The following DNAH1 variants were observed in gnomAD, a reference collection of about 807,000 sequenced individuals.
DNAH1 encodes dynein axonemal heavy chain 1, also known as axonemal beta dynein heavy chain 1.
A neutral mutation model predicts 484.3 loss-of-function variants in DNAH1; 327 were observed. The ratio of observed to expected loss-of-function variants is 0.68; its 90% CI spans 0.62 to 0.74. DNAH1 has a LOEUF of 0.74. DNAH1 is among the 30% of genes least tolerant of loss of function. DNAH1 has a pLI of 0.00. For missense variants in DNAH1, 5,052 were observed against 5,546.8 expected, an observed-to-expected ratio of 0.91 and a Z score of 2.83; for synonymous variants, 2,192 against 2,191.9, an observed-to-expected ratio of 1.00 and a Z score of 0.00.
At chr3:52,333,229 C>T (rs1701617461) in intron 8 of DNAH1, among the ~76,000 whole-genome samples, 2 of 152,136 alleles carry the variant, frequency 1.3e-5, no homozygotes. Context: ...AAGCCAAGAT[C>T]TGGGCATTAG....
chr3:52,348,522 G>A (rs1252877786), intron 12 of DNAH1, among the ~76,000 whole-genome samples: 1 of 152,194 alleles, frequency 6.6e-6, no homozygotes. Flanking sequence ...AAGAGCCTCT[G>A]TAGCCCTAGC....
At position 52,391,057 on chromosome 3, in the gene DNAH1, G is replaced by A. The variant is rs1704352613; in HGVS notation, c.9741+3G>A. On this transcript the variant is annotated splice_donor_region_variant and intron_variant, in intron 61 of 77. Transcript: ENST00000420323. The stretch of plus-strand genomic sequence containing the variant: ...CCAACAAATGGATCAAGAACATGGT[G>A]AGCCCACCCACCAGGCACCACCACC... 1.3e-6 allele frequency: 2 copies of A among 1,568,218 alleles called. No homozygotes were observed. Among genetic ancestry groups the A allele is most frequent in the South Asian group, 1.2e-5 (1 of 85,520 alleles).
Position 52,357,692 on chromosome 3 carries a change from G to T in DNAH1, c.3937G>T (p.Gly1313Cys). Residue 1313 changes from glycine (G) to cysteine (C), a missense_variant, in exon 23 of 78, where the codon GGC (glycine) becomes TGC (cysteine). Physicochemically the swap from Gly to Cys is radical, Grantham distance 159. Transcript: ENST00000420323. ...CAAGATTCTGGACCTGGTGCAGAAG[G>T]GCCTCAGCGAGTATCTGGAGACCAA... is the stretch of plus-strand genomic sequence containing the variant. ...CNKILDLVQK[G>C]LSEYLETKRS... 1 of 1,589,998 alleles carries T rather than the reference G, an allele frequency of 6.3e-7. No homozygotes were observed. The highest frequency in any genetic ancestry group is 2.3e-5 in the East Asian group (1 of 43,818).
At position 52,380,014 on chromosome 3, in the gene DNAH1, GC is replaced by G; in HGVS notation, c.7488del (p.Cys2496Ter). On this transcript the variant is annotated frameshift_variant, in exon 48 of 78. Coordinates refer to ENST00000420323, the MANE Select transcript of DNAH1 (RefSeq NM_015512.5). LOFTEE classifies it high-confidence loss of function. ...RSWFDQLLKR[C>X]MEQWEVTFNK... The stretch of plus-strand genomic sequence containing the variant: ...TGGTTCGACCAGCTCCTCAAGCGCT[GC>G]ATGGAGCAGTGGGAGGTGACCTTCA... 6.3e-7 allele frequency: 1 copy of G among 1,594,868 alleles called. No individual in the cohort carries two copies. Among genetic ancestry groups the G allele is most frequent in the Non-Finnish European group, 8.5e-7 (1 of 1,170,828 alleles).
chr3:52,384,689 C>A, intron 52 of DNAH1, 97 bp from the exon 53 acceptor site: 1 of 1,286,636 alleles, frequency 7.8e-7, no homozygotes, highest in East Asian at 2.6e-5. Context: ...CCTGCTGTGG[C>A]CCCCTCCTCG....
In DNAH1 at chr3:52,399,691, C is replaced by T. The variant is rs879230650; in HGVS notation, c.12588C>T (p.Ala4196=). ...SQPKELYTEM[A]VIWLLPTPNR... is the part of the protein sequence containing the mutation. ...CCAAGGAGCTGTACACAGAGATGGC[C>T]GTTATCTGGCTCTTGCCAACACCCA... The change falls in exon 77 of 78, where the codon GCC becomes GCT. Residue 4196 remains alanine (A), a synonymous_variant. Coordinates refer to ENST00000420323, the MANE Select transcript of DNAH1 (RefSeq NM_015512.5). 7 of 1,614,028 alleles carry T rather than the reference C, an allele frequency of 4.3e-6. No homozygotes were observed. The highest frequency in any genetic ancestry group is 3.3e-5 in the South Asian group (3 of 91,090).
intron 74 of DNAH1, 39 bp from the exon 75 acceptor site, chr3:52,397,993 G>A (rs1476403662): frequency 6.2e-7 from 1 of 1,602,894 alleles, no homozygotes. Flanking sequence ...GGATAAGGGG[G>A]CCCAGCCTTG....
rs1400233054 is a variant in DNAH1, at chr3:52,385,423, C to T, written c.8601C>T (p.Thr2867=). 1 of 1,551,962 alleles carries T rather than the reference C, an allele frequency of 6.4e-7. No homozygotes were observed. Among genetic ancestry groups the T allele is most frequent in the African/African-American group, 1.4e-5 (1 of 73,066 alleles). The part of the protein sequence containing the change: ...HPLLEEAAKD[T]MLTMEQIKVD... ...TGCTGGAGGAGGCTGCCAAGGACACCATGCTCACCATGGAGCAGATCAAGG... is the reference window on the plus strand; with the variant it reads ...TGCTGGAGGAGGCTGCCAAGGACACTATGCTCACCATGGAGCAGATCAAGG... The change falls in exon 54 of 78, where the codon ACC becomes ACT. Residue 2867 remains threonine (T), a synonymous_variant. Transcript: ENST00000420323.
intron 10 of DNAH1, 114 bp downstream of exon 10, chr3:52,345,820 G>A: frequency 1.8e-6 from 2 of 1,091,488 alleles, no homozygotes; most frequent in East Asian, 2.6e-5. Context: ...TGGTGAGGCT[G>A]TGAGCCCCTG....
At chr3:52,314,934 C>T (rs929835733), upstream of DNAH1, among the ~76,000 whole-genome samples, 2 of 152,174 alleles carry the variant, frequency 1.3e-5, no homozygotes, top group African/African-American at 4.8e-5. Flanking sequence ...TCCACCAGCC[C>T]CGGAGAAACT....
chr3:52,375,900 A>G (rs1342115562), intron 45 of DNAH1, 55 bp from the exon 46 acceptor site: 33 of 1,601,592 alleles, frequency 2.1e-5, no homozygotes, highest in Non-Finnish European at 2.7e-5. Context: ...GGCCAGGGTG[A>G]GCAGCAAGAG....
Position 52,323,158 on chromosome 3 carries a change from T to C in DNAH1, c.333+383T>C, listed in dbSNP as rs372920143. Among the ~76,000 whole-genome samples, 12 of 152,274 alleles carry C rather than the reference T, an allele frequency of 7.9e-5. No individual in the cohort carries two copies. The East Asian group carries it at 9.7e-4, about 12-fold the overall frequency. The stretch of plus-strand genomic sequence containing the variant: ...TGGGAAGGTTCCACAGATGAGGTGA[T>C]GTACTGCTGAGATCTAAGAGACAGG... On this transcript the variant is annotated intron_variant, in intron 2 of 77. Transcript: ENST00000420323.
At position 52,386,111 on chromosome 3, in the gene DNAH1, G is replaced by A. The variant is rs538348168; in HGVS notation, c.8626-49G>A. 9 of 1,560,718 alleles carry A rather than the reference G, an allele frequency of 5.8e-6. No individual in the cohort carries two copies. The African/African-American group carries it at 1.1e-4, about 19-fold the overall frequency. On this transcript the variant is annotated intron_variant, in intron 54 of 77. Coordinates refer to ENST00000420323, the MANE Select transcript of DNAH1 (RefSeq NM_015512.5). Reference sequence around the variant, plus strand: ...TCCTTCCATCTGGGGAGACTAAGATGCAGAGAAGAGAAAAGGGGGGAGGAC... The same window carrying A: ...TCCTTCCATCTGGGGAGACTAAGATACAGAGAAGAGAAAAGGGGGGAGGAC...
At chr3:52,377,469 G>T (rs551713707) in intron 46 of DNAH1, among the ~76,000 whole-genome samples, 5 of 151,720 alleles carry the variant, frequency 3.3e-5, no homozygotes, top group African/African-American at 1.2e-4. Context: ...TCTATCTTCC[G>T]CTTGGGGCCA....
chr3:52,382,248 G>A, intron 49 of DNAH1, 72 bp from the exon 50 acceptor site: 1 of 1,611,278 alleles, frequency 6.2e-7, no homozygotes, highest in Non-Finnish European at 8.5e-7. Flanking sequence ...AGGGTAGGGT[G>A]TGGTCACCCA....
At chr3:52,313,092 C>T (rs534042683), upstream of DNAH1, among the ~76,000 whole-genome samples, 2 of 152,202 alleles carry the variant, frequency 1.3e-5, no homozygotes, top group Admixed American at 6.5e-5. Flanking sequence ...TCGCCAGTGC[C>T]AGGCTCTTGA....
At chr3:52,341,520 T>G (rs901627803) in intron 8 of DNAH1, among the ~76,000 whole-genome samples, 1 of 150,164 alleles carries the variant, frequency 6.7e-6, no homozygotes, top group African/African-American at 2.5e-5. Context: ...ACAAGAGGGC[T>G]TGACTTTGAC....
chr3:52,352,488 A>G (rs1702425840), intron 17 of DNAH1, 64 bp from the exon 18 acceptor site: 2 of 1,562,296 alleles, frequency 1.3e-6, no homozygotes, highest in Non-Finnish European at 1.7e-6. Context: ...CTGGGTTTGC[A>G]TGGGAAGGCC....
chr3:52,363,609 G>A (rs1225317743), intron 32 of DNAH1, among the ~76,000 whole-genome samples: 1 of 152,228 alleles, frequency 6.6e-6, no homozygotes, highest in Admixed American at 6.5e-5. Flanking sequence ...ACCAGTGCTG[G>A]TGGATGAGCT....
Sources: allele counts gnomAD v4.1 joint callset (sites outside exome capture counted in the v4.1 genomes callset), GRCh38; gene constraint gnomAD v4.1.1; transcripts MANE v1.5; gene names NCBI Gene and HGNC (gene_info 2026-07-23, HGNC 2026-07-21).